The following ZDHHC9 variants were observed in gnomAD, a reference collection of about 807,000 sequenced individuals.
ZDHHC9 encodes zDHHC palmitoyltransferase 9, also known as palmitoyltransferase ZDHHC9.
ZDHHC9 carries 3 observed loss-of-function variants against 26.6 expected under a neutral mutation model. The ratio of observed to expected loss-of-function variants is 0.11; its 90% CI spans 0.05 to 0.29. The LOEUF is 0.29. ZDHHC9 is among the 10% of genes least tolerant of loss of function. The pLI, the probability that ZDHHC9 is intolerant of heterozygous loss-of-function variation, is 1.00. For missense variants in ZDHHC9, 146 were observed against 296.4 expected (o/e 0.49, Z 3.73); for synonymous variants, 111 against 109.4 (o/e 1.01, Z -0.09).
At chrX:129,827,034 A>C (rs1354374283) in intron 4 of ZDHHC9, among the ~76,000 whole-genome samples, 1 of 109,954 alleles carries the variant, frequency 9.1e-6, no homozygotes, top group African/African-American at 3.3e-5. Flanking sequence ...TCTCTACTAA[A>C]AATACAAAAA....
At chrX:129,830,783 G>C (rs148910829) in intron 3 of ZDHHC9, among the ~76,000 whole-genome samples, 2 of 111,414 alleles carry the variant, frequency 1.8e-5, no homozygotes, top group Non-Finnish European at 3.8e-5. Flanking sequence ...CTGCAGTTTC[G>C]GAACAACCCC....
At chrX:129,823,534 T>C (rs1006293350) in intron 5 of ZDHHC9, 145 bp downstream of exon 5, 1 of 660,551 alleles carries the variant, frequency 1.5e-6, no homozygotes, top group Non-Finnish European at 2.4e-6. Context: ...TTTCAGGAGC[T>C]TGTTGCCTAT....
chrX:129,832,822 G>A (rs1407543958), intron 3 of ZDHHC9, among the ~76,000 whole-genome samples: 2 of 87,449 alleles, frequency 2.3e-5, no homozygotes, highest in Middle Eastern at 4.6e-3. Context: ...TACATAAGCC[G>A]GACGTGGTGG....
rs958064594 is a variant in ZDHHC9, at chrX:129,811,587, C to A, written c.778-78G>T. 5 of 795,233 alleles carry A rather than the reference C, an allele frequency of 6.3e-6. No homozygotes were observed. The African/African-American group carries it at 6.3e-5, about 10-fold the overall frequency. 65.5% of individuals were successfully genotyped at this position (795,233 alleles called of 1,213,427 possible). Reference sequence around the variant, plus strand: ...TAATAATAATAAAATTAAAAACAGACACAAAAAAGAAAAATAATAATAATA... The same window carrying A: ...TAATAATAATAAAATTAAAAACAGAAACAAAAAAGAAAAATAATAATAATA... On this transcript the variant is annotated intron_variant, in intron 8 of 10. Transcript: ENST00000357166.
intron 6 of ZDHHC9, among the ~76,000 whole-genome samples, chrX:129,814,390 G>A (rs1464157136): frequency 8.9e-6 from 1 of 111,839 alleles, no homozygotes; most frequent in Non-Finnish European, 1.9e-5. Flanking sequence ...CCTCAGAAAT[G>A]CCCCAGTACT....
rs1201604199 is a variant in ZDHHC9, at chrX:129,823,821, C to T, written c.345G>A (p.Ala115=). 1 of 1,210,022 alleles carries T rather than the reference C, an allele frequency of 8.3e-7. No homozygotes were observed. Among genetic ancestry groups the T allele is most frequent in the Non-Finnish European group, 1.1e-6 (1 of 895,191 alleles). ...IEMEIEATNG[A]VPQGQRPPPR... The stretch of plus-strand genomic sequence containing the variant: ...GCGGTGGTCGCTGGCCCTGGGGCAC[C>T]GCACCATTGGTAGCTTCTGTAAATC... Residue 115 remains alanine, a synonymous_variant, in exon 5 of 11, where the codon GCG becomes GCA. Coordinates refer to ENST00000357166, the MANE Select transcript of ZDHHC9 (RefSeq NM_016032.4).
At chrX:129,810,487 C>A (rs1927614275) in intron 10 of ZDHHC9, among the ~76,000 whole-genome samples, 2 of 111,939 alleles carry the variant, frequency 1.8e-5, no homozygotes, top group South Asian at 3.7e-4. Flanking sequence ...CCTTCTACCA[C>A]AGTAACCACA....
intron 5 of ZDHHC9, among the ~76,000 whole-genome samples, chrX:129,816,594 C>G (rs924733512): frequency 8.1e-5 from 9 of 111,318 alleles, no homozygotes. Flanking sequence ...TCCTAGTCAC[C>G]AATAATTCAT....
At chrX:129,821,685 A>G (rs1241335468) in intron 5 of ZDHHC9, among the ~76,000 whole-genome samples, 3 of 108,499 alleles carry the variant, frequency 2.8e-5, no homozygotes, top group Non-Finnish European at 5.7e-5. Flanking sequence ...GCACTTTGGG[A>G]GGCCTAGGTG....
intron 8 of ZDHHC9, among the ~76,000 whole-genome samples, chrX:129,812,433 C>G (rs1325083649): frequency 8.9e-6 from 1 of 112,341 alleles, no homozygotes; most frequent in African/African-American, 3.2e-5. Flanking sequence ...GCAACTGTCC[C>G]TCTCCATGCC....
Position 129,823,662 on chromosome X carries a change from C to T in ZDHHC9, c.487+17G>A, listed in dbSNP as rs572453121. On this transcript the variant is annotated intron_variant, in intron 5 of 10. Transcript: ENST00000357166. ...CTCAGCCTTTTCCCTAGGCAATGTC[C>T]CTGTAGTTTTACTCACCCACACAGT... 4.5e-4 allele frequency: 541 copies of T among 1,210,130 alleles called. 3 individuals carry two copies. The South Asian group carries it at 8.8e-3, about 20-fold the overall frequency.
At chrX:129,831,757 A>G (rs974413860) in intron 3 of ZDHHC9, among the ~76,000 whole-genome samples, 1 of 111,632 alleles carries the variant, frequency 9.0e-6, no homozygotes, top group Non-Finnish European at 1.9e-5. Flanking sequence ...CAGATGTGGG[A>G]CTAGCAGGCC....
In ZDHHC9 at chrX:129,803,744, A is replaced by G. The variant is rs1927446898; in HGVS notation, c.*2626T>C. 8.9e-6 allele frequency: 1 copy of G among 112,057 alleles called. No individual in the cohort carries two copies. Among genetic ancestry groups the G allele is most frequent in the Non-Finnish European group, 1.9e-5 (1 of 53,227 alleles). 9.2% of individuals were successfully genotyped at this position (112,057 alleles called of 1,213,427 possible). On this transcript the variant is annotated 3_prime_UTR_variant, in exon 11 of 11. Coordinates refer to ENST00000357166, the MANE Select transcript of ZDHHC9 (RefSeq NM_016032.4). ...ACAGCCAATTTCCACCTGCCCCCAG[A>G]GGTTTGGGATCAGTGCCAACCATCC...
At chrX:129,809,919 G>A (rs1329599182) in intron 10 of ZDHHC9, among the ~76,000 whole-genome samples, 1 of 104,959 alleles carries the variant, frequency 9.5e-6, no homozygotes, top group Non-Finnish European at 2.0e-5. Context: ...AACCCGGGAG[G>A]CGGAGGTTGC....
chrX:129,842,038 C>G lies in ZDHHC9; in HGVS notation c.-93G>C. The G allele has an allele frequency of 3.7e-6, 4 of 1,094,327 alleles. No individual in the cohort carries two copies. The highest frequency in any genetic ancestry group is 5.1e-6 in the Non-Finnish European group (4 of 790,313). 90.2% of individuals were successfully genotyped at this position (1,094,327 alleles called of 1,213,427 possible). A position where few individuals can be genotyped will look rare whatever the true frequency, so the allele number is the denominator to read the frequency against. Reference sequence around the variant, plus strand: ...CTTTGAAATCACGTTGCCTGCTATTCCTGCCGCTGGGTCAAACATCATCAA... The same window carrying G: ...CTTTGAAATCACGTTGCCTGCTATTGCTGCCGCTGGGTCAAACATCATCAA... On this transcript the variant is annotated 5_prime_UTR_variant, in exon 3 of 11. Coordinates refer to ENST00000357166, the MANE Select transcript of ZDHHC9 (RefSeq NM_016032.4).
At chrX:129,811,705 G>A (rs1927645285) in intron 8 of ZDHHC9, among the ~76,000 whole-genome samples, 196 bp from the exon 9 acceptor site, 1 of 111,301 alleles carries the variant, frequency 9.0e-6, no homozygotes, top group South Asian at 3.7e-4. Flanking sequence ...CCACTGAACT[G>A]TACATTTAGG....
At chrX:129,822,005 G>A (rs954404462) in intron 5 of ZDHHC9, among the ~76,000 whole-genome samples, 9 of 111,294 alleles carry the variant, frequency 8.1e-5, no homozygotes, top group African/African-American at 2.9e-4. Context: ...ACTGTTGGTG[G>A]GAGTGTAAAT....
intron 10 of ZDHHC9, among the ~76,000 whole-genome samples, chrX:129,809,911 C>T (rs770294193): frequency 3.8e-5 from 4 of 104,717 alleles, no homozygotes; most frequent in Non-Finnish European, 7.8e-5. Flanking sequence ...GGCAGGAGAA[C>T]CCGGGAGGCG....
At chrX:129,819,737 G>A (rs1054087529) in intron 5 of ZDHHC9, among the ~76,000 whole-genome samples, 9 of 110,228 alleles carry the variant, frequency 8.2e-5, no homozygotes, top group Non-Finnish European at 1.1e-4. Context: ...TTACTCTGTC[G>A]CCCAGGCTGG....
Sources: allele counts gnomAD v4.1 joint callset (sites outside exome capture counted in the v4.1 genomes callset), GRCh38; gene constraint gnomAD v4.1.1; transcripts MANE v1.5; gene names NCBI Gene and HGNC (gene_info 2026-07-23, HGNC 2026-07-21).